Variants in PREX2 observed in about 807,000 individuals in gnomAD.
The protein encoded by PREX2 is phosphatidylinositol-3,4,5-trisphosphate dependent Rac exchange factor 2, also known as phosphatidylinositol 3,4,5-trisphosphate-dependent Rac exchanger 2 protein.
A neutral mutation model predicts 203.2 loss-of-function variants in PREX2; 107 were observed. That is an observed-to-expected ratio of 0.53 (90% confidence interval 0.45 to 0.62). PREX2 has a LOEUF of 0.62. Ranked by LOEUF, PREX2 falls within the 20% of genes least tolerant of loss-of-function variation. PREX2 has a pLI of 0.00. For missense variants in PREX2, 1,777 were observed against 1,955.9 expected, an observed-to-expected ratio of 0.91 and a Z score of 1.72; for synonymous variants, 672 against 663.6, an observed-to-expected ratio of 1.01 and a Z score of -0.19.
chr8:68,120,858 C>G, intron 29 of PREX2, 63 bp from the exon 30 acceptor site: 1 of 1,474,816 alleles, frequency 6.8e-7, no homozygotes, highest in Non-Finnish European at 9.3e-7. Flanking sequence ...GGTTTTGAAG[C>G]CTAAAGGCTT....
intron 37 of PREX2, among the ~76,000 whole-genome samples, chr8:68,211,620 C>G (rs1259863638): frequency 1.3e-5 from 2 of 152,204 alleles, no homozygotes; most frequent in African/African-American, 4.8e-5. Flanking sequence ...TCGAAGTAAC[C>G]TGGGTACAGC....
intron 16 of PREX2, 40 bp downstream of exon 16, chr8:68,080,625 T>G: frequency 1.3e-6 from 2 of 1,524,896 alleles, no homozygotes; most frequent in Non-Finnish European, 1.8e-6. Context: ...TCTTCTTGAT[T>G]AGACACTAGC....
intron 1 of PREX2, among the ~76,000 whole-genome samples, chr8:67,997,572 C>T (rs1472692412): frequency 1.3e-5 from 2 of 151,852 alleles, no homozygotes; most frequent in African/African-American, 2.4e-5. Flanking sequence ...CTTTTTTTCC[C>T]CCAAGATTGT....
Position 68,044,499 on chromosome 8 carries a change from C to T in PREX2, c.852C>T (p.Asn284=). The change falls in exon 8 of 40, where the codon AAC becomes AAT. Residue 284 remains asparagine (N), a synonymous_variant. Coordinates refer to ENST00000288368, the MANE Select transcript of PREX2 (RefSeq NM_024870.4). ...YCKRKHRRLK[N]SKASTDGHRY... ...ATTCCATCTTAAGACGGTTGAAGAA[C>T]AGCAAGGCATCTACAGATGGACATC... 2.5e-6 allele frequency: 4 copies of T among 1,610,678 alleles called. No individual in the cohort carries two copies. The highest frequency in any genetic ancestry group is 3.4e-6 in the Non-Finnish European group (4 of 1,177,268).
At chr8:68,152,539 A>G (rs1295807138) in intron 34 of PREX2, among the ~76,000 whole-genome samples, 1 of 152,110 alleles carries the variant, frequency 6.6e-6, no homozygotes, top group Admixed American at 6.5e-5. Context: ...TCAATGGCCA[A>G]TTAAATGCTT....
At chr8:68,066,127 A>G (rs13254716) in intron 11 of PREX2, among the ~76,000 whole-genome samples, 105,608 of 152,042 alleles carry the variant, frequency 0.69, 36,740 homozygotes, top group East Asian at 0.74. Flanking sequence ...TCATCCATCC[A>G]TGGAAACTTA....
chr8:68,217,259 G>A (rs1445458851), intron 37 of PREX2, among the ~76,000 whole-genome samples: 1 of 152,138 alleles, frequency 6.6e-6, no homozygotes, highest in African/African-American at 2.4e-5. Context: ...ATATGTAGAA[G>A]TTAATGATAA....
chr8:68,118,118 G>T (rs1810693322), intron 26 of PREX2, among the ~76,000 whole-genome samples: 1 of 152,176 alleles, frequency 6.6e-6, no homozygotes, highest in South Asian at 2.1e-4. Flanking sequence ...CACTTTGGGA[G>T]GCCGAGGTGG....
At chr8:67,952,993 T>C (rs549367820) in intron 1 of PREX2, among the ~76,000 whole-genome samples, 2 of 152,320 alleles carry the variant, frequency 1.3e-5, no homozygotes, top group East Asian at 3.9e-4. Flanking sequence ...AATCCTTGAA[T>C]GTGCTCGAGC....
intron 1 of PREX2, among the ~76,000 whole-genome samples, chr8:67,982,035 A>C (rs567909834): frequency 6.6e-6 from 1 of 152,352 alleles, no homozygotes; most frequent in Non-Finnish European, 1.5e-5. Flanking sequence ...TTTACCAGTG[A>C]ACAAGTAGAA....
intron 1 of PREX2, 101 bp downstream of exon 1, chr8:67,952,636 C>T (rs776167489): frequency 1.3e-6 from 2 of 1,490,446 alleles, no homozygotes; most frequent in Admixed American, 2.0e-5. Flanking sequence ...GTGCGGGGAC[C>T]CGGGACGGGT....
intron 32 of PREX2, among the ~76,000 whole-genome samples, chr8:68,135,099 T>TTGTGTGTGTGTGTGTGTGTGTGTG (rs9298129): frequency 2.7e-5 from 4 of 148,786 alleles, no homozygotes; most frequent in African/African-American, 7.4e-5. Context: ...AAAACAAATT[T>TTGTGTGTGTGTGTGTGTGTGTGTG]TGTGTGTGTG....
chr8:68,063,741 TA>T (rs200660350), intron 11 of PREX2, among the ~76,000 whole-genome samples: 1,818 of 152,248 alleles, frequency 0.012, 33 homozygotes, highest in African/African-American at 0.042. Context: ...ATGGACAGCG[TA>T]AAAAGACAGA....
chr8:68,003,363 CTCTT>C (rs5892124), intron 1 of PREX2, among the ~76,000 whole-genome samples: 86,687 of 151,334 alleles, frequency 0.57, 25,057 homozygotes, highest in South Asian at 0.66. Flanking sequence ...AACAATGTGA[CTCTT>C]TCAGTATCTA....
intron 18 of PREX2, 122 bp downstream of exon 18, chr8:68,083,510 C>T (rs978589410): frequency 9.1e-6 from 6 of 659,830 alleles, no homozygotes; most frequent in Middle Eastern, 4.2e-4. Flanking sequence ...TGAACCTCAC[C>T]GGTATCATTA....
intron 31 of PREX2, among the ~76,000 whole-genome samples, chr8:68,133,406 T>C (rs1020141340): frequency 2.4e-4 from 36 of 152,130 alleles, no homozygotes; most frequent in African/African-American, 8.5e-4. Context: ...GGTAAACATA[T>C]ACAAATCAAT....
At chr8:68,164,548 G>A (rs1012625051) in intron 35 of PREX2, among the ~76,000 whole-genome samples, 6 of 150,472 alleles carry the variant, frequency 4.0e-5, no homozygotes, top group Non-Finnish European at 7.4e-5. Context: ...AAAACAGCTG[G>A]TGATCTGGCT....
Position 68,091,127 on chromosome 8 carries a change from A to C in PREX2, c.2250+412A>C, listed in dbSNP as rs945828674. ...TAGAAAACTTCTGTGAAAAAGCAAA[A>C]ATTGTGGGTTTTATAAGGTCCATGA... On this transcript the variant is annotated intron_variant, in intron 20 of 39. Transcript: ENST00000288368. 3.9e-4 allele frequency among the ~76,000 whole-genome samples: 60 copies of C among 152,140 alleles called. 1 individual carries two copies. The highest frequency in any genetic ancestry group is 1.4e-3 in the African/African-American group (58 of 41,434).
chr8:68,176,011 A>G (rs1263773492), intron 35 of PREX2, among the ~76,000 whole-genome samples: 5 of 152,172 alleles, frequency 3.3e-5, no homozygotes. Flanking sequence ...ATGATTGTAA[A>G]GGAAATCCCA....
Sources: allele counts gnomAD v4.1 joint callset (sites outside exome capture counted in the v4.1 genomes callset), GRCh38; gene constraint gnomAD v4.1.1; transcripts MANE v1.5; gene names NCBI Gene and HGNC (gene_info 2026-07-23, HGNC 2026-07-21).